The following BCL2 variants were observed in gnomAD, a reference collection of about 807,000 sequenced individuals.
The protein encoded by BCL2 is BCL2 apoptosis regulator, also known as apoptosis regulator Bcl-2.
A neutral mutation model predicts 14.2 loss-of-function variants in BCL2; 1 was observed. The observed-to-expected ratio is 0.07, with a 90% CI of 0.02 to 0.33. The LOEUF (loss-of-function observed/expected upper bound fraction) is 0.33, where lower values mean the gene tolerates loss of function less well. Ranked by LOEUF, BCL2 falls within the 10% of genes least tolerant of loss-of-function variation. The pLI, the probability that BCL2 is intolerant of heterozygous loss-of-function variation, is 0.99. For synonymous variants in BCL2, 151 were observed against 137.2 expected, an observed-to-expected ratio of 1.10 and a Z score of -0.70; for missense variants, 247 against 305.9, an observed-to-expected ratio of 0.81 and a Z score of 1.44.
intron 2 of BCL2, among the ~76,000 whole-genome samples, chr18:63,217,680 A>G (rs1323687693): frequency 6.6e-6 from 1 of 152,126 alleles, no homozygotes; most frequent in Non-Finnish European, 1.5e-5. Context: ...TTTTCCACTA[A>G]CTGGCCACGT....
At chr18:63,214,166 A>T (rs1417600191) in intron 2 of BCL2, among the ~76,000 whole-genome samples, 1 of 152,194 alleles carries the variant, frequency 6.6e-6, no homozygotes, top group Non-Finnish European at 1.5e-5. Flanking sequence ...GGCAGAACAG[A>T]CAAGGAAGAT....
chr18:63,142,867 A>G (rs1050431312), intron 2 of BCL2, among the ~76,000 whole-genome samples: 10 of 152,230 alleles, frequency 6.6e-5, no homozygotes, highest in Non-Finnish European at 1.5e-4. Context: ...AACCAGATGC[A>G]TTTCAAGGAA....
chr18:63,239,430 G>T (rs184500876), intron 2 of BCL2, among the ~76,000 whole-genome samples: 1 of 152,222 alleles, frequency 6.6e-6, no homozygotes, highest in African/African-American at 2.4e-5. Context: ...ACAAATAATG[G>T]ACAAGGCAAT....
At chr18:63,310,179 G>T (rs1448858425) in intron 2 of BCL2, among the ~76,000 whole-genome samples, 1 of 152,128 alleles carries the variant, frequency 6.6e-6, no homozygotes, top group Non-Finnish European at 1.5e-5. Context: ...ATATATTTTT[G>T]ATCCAAAGTT....
chr18:63,302,206 G>T, intron 2 of BCL2: 1 of 359,606 alleles, frequency 2.8e-6, no homozygotes, highest in Non-Finnish European at 3.9e-6. Context: ...GCTGGCAGGC[G>T]CCTGTAATCC....
chr18:63,231,492 G>A (rs1018485778), intron 2 of BCL2, among the ~76,000 whole-genome samples: 4 of 151,992 alleles, frequency 2.6e-5, no homozygotes, highest in Non-Finnish European at 5.9e-5. Context: ...AGAAATAAGA[G>A]GGTTTGGCAG....
chr18:63,259,255 A>G (rs1911580018), intron 2 of BCL2, among the ~76,000 whole-genome samples: 1 of 152,272 alleles, frequency 6.6e-6, no homozygotes, highest in Admixed American at 6.5e-5. Context: ...GGCCTAGTGC[A>G]AAGGCACCAG....
intron 2 of BCL2, among the ~76,000 whole-genome samples, chr18:63,145,917 G>A (rs1362059857): frequency 5.3e-5 from 8 of 152,228 alleles, no homozygotes; most frequent in African/African-American, 1.9e-4. Flanking sequence ...CGAGGAGTTG[G>A]TGGGAGACAA....
intron 2 of BCL2, among the ~76,000 whole-genome samples, chr18:63,214,452 T>G (rs1225749369): frequency 1.3e-5 from 2 of 152,246 alleles, no homozygotes; most frequent in Non-Finnish European, 2.9e-5. Flanking sequence ...TCATGGGAAC[T>G]TGAAGTCAGG....
At chr18:63,280,066 G>T (rs1281602832) in intron 2 of BCL2, among the ~76,000 whole-genome samples, 10 of 152,098 alleles carry the variant, frequency 6.6e-5, no homozygotes, top group Non-Finnish European at 1.5e-4. Flanking sequence ...AGCCCAATGG[G>T]ATATACATTT....
At chr18:63,152,398 A>G (rs1914671413) in intron 2 of BCL2, among the ~76,000 whole-genome samples, 1 of 152,162 alleles carries the variant, frequency 6.6e-6, no homozygotes, top group South Asian at 2.1e-4. Context: ...TGAAATTTTA[A>G]AAACATATCT....
intron 2 of BCL2, among the ~76,000 whole-genome samples, chr18:63,228,975 G>C (rs1675493299): frequency 6.6e-6 from 1 of 152,232 alleles, no homozygotes; most frequent in Non-Finnish European, 1.5e-5. Context: ...CTCCCAAAGT[G>C]CTGGGATTAC....
At chr18:63,135,179 C>A (rs1914178086) in intron 2 of BCL2, among the ~76,000 whole-genome samples, 1 of 152,168 alleles carries the variant, frequency 6.6e-6, no homozygotes, top group South Asian at 2.1e-4. Flanking sequence ...TTTCACCTGC[C>A]TCCTGCATGT....
chr18:63,251,070 T>C (rs965720499), intron 2 of BCL2, among the ~76,000 whole-genome samples: 3 of 151,654 alleles, frequency 2.0e-5, no homozygotes, highest in African/African-American at 7.3e-5. Context: ...CCATATTTAA[T>C]AATGTAGGTG....
chr18:63,242,160 TCTC>T (rs1426551753), intron 2 of BCL2, among the ~76,000 whole-genome samples: 1 of 152,178 alleles, frequency 6.6e-6, no homozygotes, highest in African/African-American at 2.4e-5. Context: ...ATGCCAAGCT[TCTC>T]CTCAACACCA....
intron 2 of BCL2, among the ~76,000 whole-genome samples, chr18:63,160,330 C>T (rs566204806): frequency 2.6e-5 from 4 of 152,332 alleles, no homozygotes; most frequent in Non-Finnish European, 4.4e-5. Flanking sequence ...GCGACAGGCA[C>T]GTGGGCCCCT....
intron 2 of BCL2, among the ~76,000 whole-genome samples, chr18:63,192,319 T>C (rs1343568041): frequency 1.3e-5 from 2 of 152,068 alleles, no homozygotes; most frequent in Non-Finnish European, 2.9e-5. Flanking sequence ...CCTGATGTGT[T>C]TGGAGGATCA....
intron 2 of BCL2, among the ~76,000 whole-genome samples, chr18:63,211,609 G>A (rs997535368): frequency 2.6e-5 from 4 of 152,198 alleles, no homozygotes; most frequent in Admixed American, 6.5e-5. Flanking sequence ...TTTGGTGCAT[G>A]GGCGGGGGGC....
chr18:63,238,235 G>A (rs913250487), intron 2 of BCL2, among the ~76,000 whole-genome samples: 3 of 152,168 alleles, frequency 2.0e-5, no homozygotes, highest in South Asian at 2.1e-4. Flanking sequence ...CCTCACAGGC[G>A]GCTGTCAGAT....
Sources: gnomAD v4.1 joint callset for allele counts (sites outside exome capture counted in the v4.1 genomes callset) on GRCh38, gnomAD v4.1.1 for gene constraint, MANE v1.5 for transcripts, NCBI Gene and HGNC (gene_info 2026-07-23, HGNC 2026-07-21) for gene names.